The following ZNF837 variants were observed in gnomAD, a reference collection of about 807,000 sequenced individuals.
ZNF837 encodes the protein zinc finger protein 837.
For missense variants in ZNF837, 955 were observed against 801.7 expected, an observed-to-expected ratio of 1.19 and a Z score of -2.31; for synonymous variants, 475 against 365.2, an observed-to-expected ratio of 1.30 and a Z score of -3.43.
At chr19:58,377,615 G>A (rs2052259974) in intron 1 of ZNF837, among the ~76,000 whole-genome samples, 1 of 152,200 alleles carries the variant, frequency 6.6e-6, no homozygotes, top group Non-Finnish European at 1.5e-5. Flanking sequence ...GCCAGCCTGG[G>A]CAACACAGTG....
Position 58,369,142 on chromosome 19 carries a change from C to T in ZNF837, c.191G>A (p.Gly64Asp). Residue 64 changes from glycine to aspartate, a missense_variant, in exon 3 of 3, where the codon GGC (glycine) becomes GAC (aspartate). Physicochemically the swap from Gly to Asp is moderately conservative, Grantham distance 94. Coordinates refer to ENST00000597582, the MANE Select transcript of ZNF837 (RefSeq NM_138466.2). ...CACCCCGAGGCTGCAGCCCCGGGAG[C>T]CCCCGCCTGGGGGAGTCGTCCTACC... ...AGGRTTPPGGGSRGCSLGVSP... is the reference protein window; with the variant it reads ...AGGRTTPPGGDSRGCSLGVSP... 1 of 1,456,766 alleles carries T rather than the reference C, an allele frequency of 6.9e-7. No individual in the cohort carries two copies. The highest frequency in any genetic ancestry group is 2.9e-5 in the Admixed American group (1 of 34,894). The allele number at this position is 1,456,766 out of a possible 1,614,324, so 90.2% of individuals were successfully genotyped here. A position where few individuals can be genotyped will look rare whatever the true frequency, so the allele number is the denominator to read the frequency against.
At chr19:58,374,052 G>A (rs931357268) in intron 1 of ZNF837, among the ~76,000 whole-genome samples, 2 of 152,172 alleles carry the variant, frequency 1.3e-5, no homozygotes, top group Non-Finnish European at 2.9e-5. Flanking sequence ...AGAAGACATG[G>A]CAAAAAAGAG....
intron 1 of ZNF837, among the ~76,000 whole-genome samples, chr19:58,376,075 C>T (rs1342734078): frequency 1.3e-5 from 2 of 151,882 alleles, no homozygotes; most frequent in African/African-American, 4.8e-5. Flanking sequence ...CCTGCCCCCA[C>T]GCCCAGCTAA....
intron 1 of ZNF837, among the ~76,000 whole-genome samples, chr19:58,378,261 G>A (rs2052265280): frequency 6.6e-6 from 1 of 152,190 alleles, no homozygotes; most frequent in Non-Finnish European, 1.5e-5. Flanking sequence ...TGAGCAGCAG[G>A]AGGTCAGGGG....
At chr19:58,376,590 A>G (rs866077164) in intron 1 of ZNF837, among the ~76,000 whole-genome samples, 3,236 of 131,772 alleles carry the variant, frequency 0.025, 71 homozygotes, top group Non-Finnish European at 0.033. Context: ...AAAAAAAAAA[A>G]AGAAAGAAAA....
chr19:58,372,530 G>A (rs12459668), intron 1 of ZNF837, among the ~76,000 whole-genome samples: 139,967 of 152,230 alleles, frequency 0.92, 64,457 homozygotes, highest in Non-Finnish European at 0.95. Flanking sequence ...CTGTTTTGCA[G>A]ATTTCTAACA....
Position 58,367,913 on chromosome 19 carries a change from G to T in ZNF837, c.1420C>A (p.Pro474Thr). 6.5e-7 allele frequency: 1 copy of T among 1,534,854 alleles called. No individual in the cohort carries two copies. Among genetic ancestry groups the T allele is most frequent in the South Asian group, 1.2e-5 (1 of 83,822 alleles). Residue 474 changes from proline (P) to threonine (T), a missense_variant, in exon 3 of 3, where the codon CCC (proline) becomes ACC (threonine). Coordinates refer to ENST00000597582, the MANE Select transcript of ZNF837 (RefSeq NM_138466.2). ...TTGCCGCAGTCGCGGCAGATGTAGG[G>T]CTTCTCGCCCGAGTGCAGGCGCTCG... ...QHERLHSGEK[P>T]YICRDCGKAF...
chr19:58,377,364 A>G (rs1599927551), intron 1 of ZNF837, among the ~76,000 whole-genome samples: 1 of 151,394 alleles, frequency 6.6e-6, no homozygotes, highest in East Asian at 1.9e-4. Context: ...AAAATTAGCC[A>G]GGTGTGGTGG....
At chr19:58,377,769 G>A (rs1468385689) in intron 1 of ZNF837, among the ~76,000 whole-genome samples, 1 of 152,238 alleles carries the variant, frequency 6.6e-6, no homozygotes, top group Non-Finnish European at 1.5e-5. Flanking sequence ...GGGAAGTTGT[G>A]ACGGGAGGGA....
At chr19:58,375,277 T>C (rs1458366021) in intron 1 of ZNF837, among the ~76,000 whole-genome samples, 2 of 24,964 alleles carry the variant, frequency 8.0e-5, no homozygotes, top group Middle Eastern at 0.011. Flanking sequence ...AAAGTATATA[T>C]ATATATATAT....
At position 58,368,213 on chromosome 19, in the gene ZNF837, G is replaced by A. The variant is rs955867659; in HGVS notation, c.1120C>T (p.Leu374=). Residue 374 remains leucine (L), a synonymous_variant, in exon 3 of 3, where the codon CTG becomes TTG. Transcript: ENST00000597582. ...CGGTGCTCCACGAGGTGCGAGAACA[G>A]CCCGAAGGCCTTGGCGCAGTCGGCG... ...ECADCAKAFG[L]FSHLVEHRRV... The A allele has an allele frequency of 6.5e-6, 10 of 1,543,346 alleles. No homozygotes were observed. Among genetic ancestry groups the A allele is most frequent in the Non-Finnish European group, 8.7e-6 (10 of 1,148,160 alleles).
chr19:58,374,688 G>A (rs140547644), intron 1 of ZNF837, among the ~76,000 whole-genome samples: 8 of 152,266 alleles, frequency 5.3e-5, no homozygotes, highest in Non-Finnish European at 7.4e-5. Flanking sequence ...TGTAATCCCC[G>A]CACTTTGGGA....
chr19:58,367,729 C>T lies in ZNF837; in HGVS notation c.*8G>A. 1 of 1,502,954 alleles carries T rather than the reference C, an allele frequency of 6.7e-7. No homozygotes were observed. The allele number at this position is 1,502,954 out of a possible 1,614,324, so 93.1% of individuals were successfully genotyped here. A position where few individuals can be genotyped will look rare whatever the true frequency, so the allele number is the denominator to read the frequency against. ...TTGGGCGACGCGTCGACTCTCGGCT[C>T]CCTGCAGTCAAGGCGCGGCGCGGCC... On this transcript the variant is annotated 3_prime_UTR_variant, in exon 3 of 3. Transcript: ENST00000597582.
At chr19:58,371,446 T>C (rs2052201422) in intron 1 of ZNF837, among the ~76,000 whole-genome samples, 1 of 152,136 alleles carries the variant, frequency 6.6e-6, no homozygotes, top group Non-Finnish European at 1.5e-5. Context: ...CTCATTGTGA[T>C]GTGATGTGAG....
Position 58,368,482 on chromosome 19 carries a change from G to A in ZNF837, c.851C>T (p.Ser284Phe). Residue 284 changes from serine (S) to phenylalanine (F), a missense_variant, in exon 3 of 3, where the codon TCC becomes TTC. Ser to Phe is a radical substitution (Grantham distance 155). Transcript: ENST00000597582. ...DECGKAFTRT[S>F]SLLQHQRIHT... Reference sequence around the variant, plus strand: ...GATGCGCTGGTGCTGCAGCAGGCTGGAGGTGCGCGTGAAGGCCTTGCCGCA... The same window carrying A: ...GATGCGCTGGTGCTGCAGCAGGCTGAAGGTGCGCGTGAAGGCCTTGCCGCA... The A allele has an allele frequency of 6.4e-7, 1 of 1,564,178 alleles. No homozygotes were observed. The highest frequency in any genetic ancestry group is 8.6e-7 in the Non-Finnish European group (1 of 1,156,670).
intron 1 of ZNF837, among the ~76,000 whole-genome samples, chr19:58,380,322 C>T (rs900213836): frequency 6.6e-6 from 1 of 152,220 alleles, no homozygotes; most frequent in Non-Finnish European, 1.5e-5. Context: ...AAGCTTCAAC[C>T]CTCGCAGGAC....
At position 58,369,264 on chromosome 19, in the gene ZNF837, C is replaced by T. The variant is rs1046876951; in HGVS notation, c.69G>A (p.Gly23=). ...GCTCCTCGGGCCTCTTCTCCCGGGC[C>T]CCGGAGGCACCCTGGGCATCGGCCT... ...LPKADAQGAS[G]AREKRPEEPR... The change falls in exon 3 of 3, where the codon GGG becomes GGA. Residue 23 remains glycine, a synonymous_variant. Transcript: ENST00000597582. 2 of 1,409,372 alleles carry T rather than the reference C, an allele frequency of 1.4e-6. No homozygotes were observed. The highest frequency in any genetic ancestry group is 6.8e-5 in the Admixed American group (2 of 29,230). 87.3% of individuals were successfully genotyped at this position (1,409,372 alleles called of 1,614,324 possible). A position where few individuals can be genotyped will look rare whatever the true frequency, so the allele number is the denominator to read the frequency against.
chr19:58,368,391 C>T lies in ZNF837; in HGVS notation c.942G>A (p.Leu314=), dbSNP rs1266345950. 5.2e-6 allele frequency: 8 copies of T among 1,538,392 alleles called. No individual in the cohort carries two copies. The highest frequency in any genetic ancestry group is 7.0e-6 in the Non-Finnish European group (8 of 1,145,092). Residue 314 remains leucine, a synonymous_variant, in exon 3 of 3, where the codon CTG becomes CTA. Coordinates refer to ENST00000597582, the MANE Select transcript of ZNF837 (RefSeq NM_138466.2). ...CGKAFVRCSG[L]YRHQKTHSAE... ...CCGAGTGCGTCTTCTGGTGGCGGTACAGGCCGGAGCAGCGCACGAAGGCCT... is the reference window on the plus strand; with the variant it reads ...CCGAGTGCGTCTTCTGGTGGCGGTATAGGCCGGAGCAGCGCACGAAGGCCT...
rs1021571620 is a variant in ZNF837, at chr19:58,369,215, C to T, written c.118G>A (p.Ala40Thr). The change falls in exon 3 of 3, where the codon GCT (alanine) becomes ACT (threonine). Residue 40 changes from alanine (A) to threonine (T), a missense_variant. Transcript: ENST00000597582. ...EEPRPLEEDR[A>T]GSRPTQKGDL... ...CCCTTTTGAGTGGGGCGGCTCCCAG[C>T]TCGGTCCTCTTCGAGGGGCCTCGGC... is the stretch of plus-strand genomic sequence containing the variant. 1.9e-5 allele frequency: 27 copies of T among 1,441,398 alleles called. No individual in the cohort carries two copies. The African/African-American group carries it at 3.4e-4, about 18-fold the overall frequency. 89.3% of individuals were successfully genotyped at this position (1,441,398 alleles called of 1,614,324 possible).
Sources: gnomAD v4.1 joint callset for allele counts (sites outside exome capture counted in the v4.1 genomes callset) on GRCh38, gnomAD v4.1.1 for gene constraint, MANE v1.5 for transcripts, NCBI Gene and HGNC (gene_info 2026-07-23, HGNC 2026-07-21) for gene names.